The following EXOC6B variants were observed in gnomAD, a reference collection of about 807,000 sequenced individuals.
EXOC6B encodes the protein exocyst complex component 6B, also known as SEC15 homolog B.
A neutral mutation model predicts 113.5 loss-of-function variants in EXOC6B; 54 were observed. That is an observed-to-expected ratio of 0.48 (90% CI 0.38 to 0.60). The LOEUF is 0.60. Ranked by LOEUF, EXOC6B falls within the 20% of genes least tolerant of loss-of-function variation. The probability of loss-of-function intolerance (pLI) is 0.00; values close to 1 mark genes in which losing one functional copy is unlikely to be tolerated. For synonymous variants in EXOC6B, 357 were observed against 339.0 expected (o/e 1.05, Z -0.58); for missense variants, 797 against 977.5 (o/e 0.82, Z 2.46).
chr2:72,390,988 TC>T (rs1187082633), intron 18 of EXOC6B, among the ~76,000 whole-genome samples: 6 of 152,214 alleles, frequency 3.9e-5, no homozygotes, highest in Admixed American at 3.9e-4. Context: ...CCAAACTGCT[TC>T]CTAGCAAATT....
chr2:72,399,009 G>GAAAA (rs576686166), intron 18 of EXOC6B, among the ~76,000 whole-genome samples: 1 of 122,664 alleles, frequency 8.2e-6, no homozygotes, highest in African/African-American at 2.7e-5. Flanking sequence ...CAGTGAAAAA[G>GAAAA]AAAAAAAAAA....
At chr2:72,526,138 T>C (rs927429013) in intron 8 of EXOC6B, among the ~76,000 whole-genome samples, 1 of 152,064 alleles carries the variant, frequency 6.6e-6, no homozygotes, top group Admixed American at 6.5e-5. Context: ...TAACTTAATC[T>C]GTTTCACGTT....
chr2:72,782,645 G>A (rs577985000), intron 1 of EXOC6B, among the ~76,000 whole-genome samples: 260 of 152,070 alleles, frequency 1.7e-3, no homozygotes, highest in African/African-American at 6.0e-3. Context: ...ACTGTGTATC[G>A]GTACCCATTA....
At chr2:72,678,176 T>C (rs1483109560) in intron 6 of EXOC6B, among the ~76,000 whole-genome samples, 1 of 152,232 alleles carries the variant, frequency 6.6e-6, no homozygotes, top group Non-Finnish European at 1.5e-5. Flanking sequence ...ATGTTTTATC[T>C]TCACTTGAAA....
Position 72,749,034 on chromosome 2 carries a change from T to C in EXOC6B, c.114-7565A>G, listed in dbSNP as rs1681872762. On this transcript the variant is annotated intron_variant, in intron 1 of 21. Coordinates refer to ENST00000272427, the MANE Select transcript of EXOC6B (RefSeq NM_015189.3). ...TATAAAGGCAAAACAGGATTATTAG[T>C]GGCTTCACTTTGTCCTTTGTATCTA... 2.0e-5 allele frequency among the ~76,000 whole-genome samples: 3 copies of C among 152,130 alleles called. No individual in the cohort carries two copies. The South Asian group carries it at 6.2e-4, about 31-fold the overall frequency.
chr2:72,761,353 T>C (rs542944223), intron 1 of EXOC6B, among the ~76,000 whole-genome samples: 1 of 152,330 alleles, frequency 6.6e-6, no homozygotes, highest in South Asian at 2.1e-4. Flanking sequence ...TGATCTACTG[T>C]GACCCCAATC....
chr2:72,712,009 G>A (rs1464229285), intron 6 of EXOC6B, among the ~76,000 whole-genome samples: 1 of 152,162 alleles, frequency 6.6e-6, no homozygotes, highest in Non-Finnish European at 1.5e-5. Context: ...GTGGACTACT[G>A]TACAGTACTA....
At chr2:72,389,548 T>C (rs1236557072) in intron 18 of EXOC6B, among the ~76,000 whole-genome samples, 2 of 152,114 alleles carry the variant, frequency 1.3e-5, no homozygotes, top group East Asian at 3.8e-4. Context: ...TCTGAAAAAC[T>C]TAATTTGATA....
chr2:72,605,814 T>C (rs1258445997), intron 6 of EXOC6B, among the ~76,000 whole-genome samples: 1 of 152,100 alleles, frequency 6.6e-6, no homozygotes, highest in African/African-American at 2.4e-5. Context: ...GTAAAGAAAA[T>C]GTAACTAAAA....
chr2:72,385,466 T>C (rs1199720591), intron 18 of EXOC6B, among the ~76,000 whole-genome samples: 5 of 151,512 alleles, frequency 3.3e-5, no homozygotes, highest in Non-Finnish European at 5.9e-5. Context: ...CTTTTTTTTT[T>C]GTATATAACC....
At chr2:72,649,641 A>G (rs1674016260) in intron 6 of EXOC6B, among the ~76,000 whole-genome samples, 1 of 152,172 alleles carries the variant, frequency 6.6e-6, no homozygotes, top group Non-Finnish European at 1.5e-5. Context: ...TTTTGAAGAA[A>G]GAAGAAAGTG....
In EXOC6B at chr2:72,401,583, ATATATATATATATATATATGTG is replaced by A. The variant is rs1693251808; in HGVS notation, c.1981-21735_1981-21714del. Among the ~76,000 whole-genome samples, 14 of 11,676 alleles carry A rather than the reference ATATATATATATATATATATGTG, an allele frequency of 1.2e-3. 1 individual carries two copies. The highest frequency in any genetic ancestry group is 5.3e-3 in the African/African-American group (13 of 2,452). 7.7% of individuals were successfully genotyped at this position (11,676 alleles called of 152,430 possible). A position where few individuals can be genotyped will look rare whatever the true frequency, so the allele number is the denominator to read the frequency against. ...TATATATACATATATATATATATACATATATATATATATATATATGTGTATATATATATATATACATATATAT... is the reference window on the plus strand; with the variant it reads ...TATATATACATATATATATATATACATATATATATATATATACATATATAT... On this transcript the variant is annotated intron_variant, in intron 18 of 21. Transcript: ENST00000272427.
chr2:72,600,086 C>T (rs1367770064), intron 6 of EXOC6B, among the ~76,000 whole-genome samples: 1 of 152,066 alleles, frequency 6.6e-6, no homozygotes, highest in Non-Finnish European at 1.5e-5. Flanking sequence ...GAATAGCCAA[C>T]ATAATACTAA....
chr2:72,755,157 G>C (rs941145465), intron 1 of EXOC6B, among the ~76,000 whole-genome samples: 4 of 152,034 alleles, frequency 2.6e-5, no homozygotes, highest in Non-Finnish European at 5.9e-5. Context: ...ATTTCACCAG[G>C]AGTACTGTCA....
chr2:72,676,146 A>G (rs967691750), intron 6 of EXOC6B, among the ~76,000 whole-genome samples: 5 of 151,874 alleles, frequency 3.3e-5, no homozygotes, highest in South Asian at 2.1e-4. Context: ...AAAAAAGAAG[A>G]AGAAGAAGAA....
At chr2:72,239,928 TTTC>T (rs1682197867) in intron 20 of EXOC6B, among the ~76,000 whole-genome samples, 1 of 152,140 alleles carries the variant, frequency 6.6e-6, no homozygotes, top group Admixed American at 6.5e-5. Flanking sequence ...TAAGTGAAGT[TTTC>T]TTCATTTCAT....
In EXOC6B at chr2:72,446,622, G is replaced by A. The variant is rs115184464; in HGVS notation, c.1980+18538C>T. Among the ~76,000 whole-genome samples, 893 of 152,238 alleles carry A rather than the reference G, an allele frequency of 5.9e-3. 4 individuals are homozygous for A. Among genetic ancestry groups the A allele is most frequent in the African/African-American group, 0.02 (814 of 41,554 alleles). ...ACAACAGACACTGGGGTGTACTAGA[G>A]TGGGGAGAGTGGGAAGAAGGAGCAG... On this transcript the variant is annotated intron_variant, in intron 18 of 21. Coordinates refer to ENST00000272427, the MANE Select transcript of EXOC6B (RefSeq NM_015189.3).
intron 6 of EXOC6B, among the ~76,000 whole-genome samples, chr2:72,639,433 C>A (rs1322967961): frequency 6.6e-6 from 1 of 152,182 alleles, no homozygotes; most frequent in Non-Finnish European, 1.5e-5. Flanking sequence ...GCCCCGTACA[C>A]CCCCAAACTG....
At chr2:72,474,838 C>T (rs1376949726) in intron 17 of EXOC6B, among the ~76,000 whole-genome samples, 4 of 151,944 alleles carry the variant, frequency 2.6e-5, no homozygotes. Context: ...ATTTTCTGTA[C>T]CATTATATTC....
Sources: gnomAD v4.1 joint callset for allele counts (sites outside exome capture counted in the v4.1 genomes callset) on GRCh38, gnomAD v4.1.1 for gene constraint, MANE v1.5 for transcripts, NCBI Gene and HGNC (gene_info 2026-07-23, HGNC 2026-07-21) for gene names.